Variants in CCSER1 observed in about 807,000 individuals in gnomAD.
The protein encoded by CCSER1 is coiled-coil serine rich protein 1.
CCSER1 carries 41 observed loss-of-function variants against 82.0 expected under a neutral mutation model. That is an observed-to-expected ratio of 0.50 (90% CI 0.39 to 0.65). CCSER1 has a LOEUF of 0.65. CCSER1 is among the 30% of genes least tolerant of loss of function. The pLI, the probability that CCSER1 is intolerant of heterozygous loss-of-function variation, is 0.00. For missense variants in CCSER1, 1,119 were observed against 1,064.2 expected, an observed-to-expected ratio of 1.05 and a Z score of -0.72; for synonymous variants, 414 against 383.9, an observed-to-expected ratio of 1.08 and a Z score of -0.92.
Position 90,312,980 on chromosome 4 carries a change from A to G in CCSER1, c.1442A>G (p.Asn481Ser). The G allele has an allele frequency of 6.2e-7, 1 of 1,603,896 alleles. No homozygotes were observed. Among genetic ancestry groups the G allele is most frequent in the African/African-American group, 1.3e-5 (1 of 74,876 alleles). Residue 481 changes from asparagine (N) to serine (S), a missense_variant, in exon 3 of 11, where the codon AAT (asparagine) becomes AGT (serine). Coordinates refer to ENST00000509176, the MANE Select transcript of CCSER1 (RefSeq NM_001145065.2). Reference protein sequence around the residue: ...SRMILKPKDGNIEEVNSLRKQ... With the variant: ...SRMILKPKDGSIEEVNSLRKQ... ...ATGATTTTGAAACCGAAAGATGGAA[A>G]TATAGAAGAAGTTAATAGTTTAAGA... is the stretch of plus-strand genomic sequence containing the variant.
chr4:90,782,131 T>C (rs1318835700), intron 7 of CCSER1: 1 of 267,130 alleles, frequency 3.7e-6, no homozygotes, highest in Non-Finnish European at 5.8e-6. Context: ...ATATTGCATA[T>C]TTCCTGGTCG....
intron 1 of CCSER1, among the ~76,000 whole-genome samples, chr4:90,142,586 G>C (rs975728330): frequency 6.6e-6 from 1 of 151,120 alleles, no homozygotes; most frequent in African/African-American, 2.4e-5. Flanking sequence ...ACAGGCAAAT[G>C]CACAATACAG....
At chr4:90,951,501 C>A (rs867416811) in intron 9 of CCSER1, among the ~76,000 whole-genome samples, 2 of 151,948 alleles carry the variant, frequency 1.3e-5, no homozygotes, top group South Asian at 4.2e-4. Context: ...AAGAATACTG[C>A]AAGGGGAGAT....
chr4:91,579,287 C>G (rs937030594), intron 10 of CCSER1, among the ~76,000 whole-genome samples: 3 of 151,092 alleles, frequency 2.0e-5, no homozygotes, highest in Non-Finnish European at 3.0e-5. Flanking sequence ...TTGTATGGAC[C>G]AATTCCATAA....
chr4:90,747,251 A>G lies in CCSER1; in HGVS notation c.2010+23260A>G, dbSNP rs563587198. ...CTTAATAATTTCGAGCCATCTTTGC[A>G]GTTCTAGAATGAAAGTTACCTGAAA... On this transcript the variant is annotated intron_variant, in intron 7 of 10. Transcript: ENST00000509176. 5.9e-5 allele frequency among the ~76,000 whole-genome samples: 9 copies of G among 152,364 alleles called. No individual in the cohort carries two copies. The South Asian group carries it at 1.7e-3, about 28-fold the overall frequency.
chr4:90,524,071 A>G (rs1443774750), intron 5 of CCSER1, among the ~76,000 whole-genome samples: 1 of 152,186 alleles, frequency 6.6e-6, no homozygotes, highest in Non-Finnish European at 1.5e-5. Flanking sequence ...AAAAACATAT[A>G]TTTATGAGAC....
intron 5 of CCSER1, among the ~76,000 whole-genome samples, chr4:90,533,216 C>T (rs2153631598): frequency 6.6e-6 from 1 of 151,634 alleles, no homozygotes; most frequent in Non-Finnish European, 1.5e-5. Flanking sequence ...CTCACCCTCC[C>T]TAGTAGCTGG....
intron 10 of CCSER1, among the ~76,000 whole-genome samples, chr4:91,115,298 A>G (rs1726449573): frequency 1.3e-5 from 2 of 152,294 alleles, no homozygotes; most frequent in South Asian, 4.1e-4. Flanking sequence ...CTCCTGTCTT[A>G]TCAGAAAAGA....
chr4:90,552,159 C>T (rs1226860616), intron 5 of CCSER1, among the ~76,000 whole-genome samples: 1 of 152,154 alleles, frequency 6.6e-6, no homozygotes, highest in Non-Finnish European at 1.5e-5. Flanking sequence ...AATACTATCA[C>T]ATTGGCCATT....
intron 8 of CCSER1, among the ~76,000 whole-genome samples, chr4:90,862,010 A>G (rs1471529202): frequency 1.3e-5 from 2 of 150,556 alleles, no homozygotes; most frequent in Non-Finnish European, 3.0e-5. Flanking sequence ...ATGAAAGACT[A>G]AAAGGAACAA....
chr4:90,418,325 A>G (rs1225497784), intron 4 of CCSER1, among the ~76,000 whole-genome samples: 1 of 152,088 alleles, frequency 6.6e-6, no homozygotes, highest in Non-Finnish European at 1.5e-5. Flanking sequence ...ATTCTGACAG[A>G]TTTAGTGATC....
intron 9 of CCSER1, among the ~76,000 whole-genome samples, chr4:91,004,837 T>C (rs968340579): frequency 5.9e-5 from 9 of 152,196 alleles, no homozygotes; most frequent in African/African-American, 2.2e-4. Context: ...AATTTATTTA[T>C]CTAGTGATAA....
chr4:90,396,363 T>C (rs191272074), intron 3 of CCSER1, among the ~76,000 whole-genome samples: 525 of 152,274 alleles, frequency 3.4e-3, no homozygotes, highest in Admixed American at 8.8e-3. Context: ...TTTCTATTCC[T>C]AGTACAGTAC....
At chr4:90,526,924 C>G (rs1304059288) in intron 5 of CCSER1, among the ~76,000 whole-genome samples, 1 of 152,168 alleles carries the variant, frequency 6.6e-6, no homozygotes, top group East Asian at 1.9e-4. Context: ...ATTTCTGGTT[C>G]TAGATCCTTG....
chr4:90,468,524 C>A, intron 5 of CCSER1, 170 bp downstream of exon 5: 1 of 543,904 alleles, frequency 1.8e-6, no homozygotes, highest in Non-Finnish European at 3.0e-6. Context: ...ACTTCTGTGT[C>A]TCCTAACTTC....
chr4:91,567,585 A>G (rs2110273227), intron 10 of CCSER1, among the ~76,000 whole-genome samples: 1 of 152,186 alleles, frequency 6.6e-6, no homozygotes, highest in Middle Eastern at 3.4e-3. Context: ...ATATATATTT[A>G]ATATAGTTAG....
chr4:91,185,039 T>C (rs1402972936), intron 10 of CCSER1, among the ~76,000 whole-genome samples: 2 of 152,202 alleles, frequency 1.3e-5, no homozygotes, highest in African/African-American at 2.4e-5. Flanking sequence ...ATTGAGCAGG[T>C]TGAATTGTCC....
intron 1 of CCSER1, among the ~76,000 whole-genome samples, chr4:90,297,086 T>A (rs1313784173): frequency 6.6e-6 from 1 of 152,126 alleles, no homozygotes; most frequent in Non-Finnish European, 1.5e-5. Context: ...CCTTGGGCAG[T>A]ATGGCCATTT....
At chr4:90,886,628 G>A (rs1722161497) in intron 8 of CCSER1, among the ~76,000 whole-genome samples, 1 of 152,066 alleles carries the variant, frequency 6.6e-6, no homozygotes, top group African/African-American at 2.4e-5. Flanking sequence ...TATTTATAAT[G>A]TACTAGATTT....
Sources: allele counts gnomAD v4.1 joint callset (sites outside exome capture counted in the v4.1 genomes callset), GRCh38; gene constraint gnomAD v4.1.1; transcripts MANE v1.5; gene names NCBI Gene and HGNC (gene_info 2026-07-23, HGNC 2026-07-21).